The following PLCH1 variants were observed in gnomAD, a reference collection of about 807,000 sequenced individuals.
PLCH1 encodes the protein 1-phosphatidylinositol 4,5-bisphosphate phosphodiesterase eta-1.
A neutral mutation model predicts 126.7 loss-of-function variants in PLCH1; 60 were observed. The ratio of observed to expected loss-of-function variants is 0.47; its 90% CI spans 0.38 to 0.59. PLCH1 has a LOEUF of 0.59. Among genes scored for constraint, PLCH1 ranks in the 20% least tolerant of loss-of-function variants. PLCH1 has a pLI of 0.00. For missense variants in PLCH1, 1,723 were observed against 2,040.0 expected, an observed-to-expected ratio of 0.84 and a Z score of 2.99; for synonymous variants, 719 against 734.9, an observed-to-expected ratio of 0.98 and a Z score of 0.35.
chr3:155,499,103 A>G (rs1717509348), intron 14 of PLCH1, among the ~76,000 whole-genome samples: 1 of 152,224 alleles, frequency 6.6e-6, no homozygotes, highest in Non-Finnish European at 1.5e-5. Context: ...GGTTATAAGT[A>G]TCATAGTGGG....
intron 10 of PLCH1, among the ~76,000 whole-genome samples, chr3:155,535,389 G>T (rs1457044995): frequency 6.6e-6 from 1 of 152,226 alleles, no homozygotes; most frequent in Non-Finnish European, 1.5e-5. Context: ...GAGGCTTGTA[G>T]CCTGGGGCAA....
intron 10 of PLCH1, among the ~76,000 whole-genome samples, chr3:155,537,224 A>AAAAAAAAAAAAAAAAAAAAAAAAAAAAAC (rs1723547874): frequency 9.8e-5 from 1 of 10,166 alleles, no homozygotes; most frequent in African/African-American, 1.5e-4. Flanking sequence ...AAAAAAAAAA[A>AAAAAAAAAAAAAAAAAAAAAAAAAAAAAC]AAAAAAAAAC....
intron 2 of PLCH1, among the ~76,000 whole-genome samples, chr3:155,621,760 T>C (rs1469605952): frequency 1.3e-5 from 2 of 152,122 alleles, no homozygotes; most frequent in African/African-American, 4.8e-5. Context: ...TACGGGACTA[T>C]GTAAAAAGAC....
Position 155,485,491 on chromosome 3 carries a change from C to T in PLCH1, c.2839G>A (p.Gly947Ser). ...SVSEATRDQD[G>S]VLRRTTRSLQ... ...CTGCGTGTGGTCCTCCTCAGCACGC[C>T]ATCTTGATCTCTTGTGGCCTCGGAC... The change falls in exon 22 of 23, where the codon GGC becomes AGC. Residue 947 changes from glycine to serine, a missense_variant. This residue lies in a region of PLCH1 where 947 missense variants were observed against 977.1 expected (regional missense o/e 0.97). Transcript: ENST00000460012. 6.2e-7 allele frequency: 1 copy of T among 1,614,168 alleles called. No individual in the cohort carries two copies. The highest frequency in any genetic ancestry group is 8.5e-7 in the Non-Finnish European group (1 of 1,180,014).
chr3:155,625,766 T>G (rs1737163232), intron 2 of PLCH1, among the ~76,000 whole-genome samples: 1 of 152,182 alleles, frequency 6.6e-6, no homozygotes, highest in South Asian at 2.1e-4. Context: ...TAGGAATGCT[T>G]TTACACTGTT....
At chr3:155,483,343 G>T in intron 22 of PLCH1, 1 of 1,533,544 alleles carries the variant, frequency 6.5e-7, no homozygotes, top group African/African-American at 1.4e-5. Flanking sequence ...TTACAGTGAG[G>T]ATTACCTTAA....
chr3:155,603,688 G>T (rs948624743), intron 2 of PLCH1, among the ~76,000 whole-genome samples: 5 of 152,050 alleles, frequency 3.3e-5, no homozygotes, highest in Non-Finnish European at 7.4e-5. Flanking sequence ...ATCTTTCAAT[G>T]AGAAAAAATT....
intron 8 of PLCH1, among the ~76,000 whole-genome samples, chr3:155,561,225 G>T (rs553020432): frequency 2.0e-5 from 3 of 151,040 alleles, no homozygotes; most frequent in Admixed American, 6.6e-5. Flanking sequence ...CTGGTGCGCT[G>T]CACCCACTAA....
intron 15 of PLCH1, among the ~76,000 whole-genome samples, chr3:155,496,790 G>C (rs961387800): frequency 1.3e-5 from 2 of 152,150 alleles, no homozygotes; most frequent in Non-Finnish European, 2.9e-5. Flanking sequence ...GCTCCGTGTG[G>C]CAACTGATAG....
At chr3:155,460,702 G>A (rs1233746218) in intron 21 of PLCH1, among the ~76,000 whole-genome samples, 1 of 152,036 alleles carries the variant, frequency 6.6e-6, no homozygotes, top group Non-Finnish European at 1.5e-5. Context: ...TGTATCCCTA[G>A]TCATTTCATC....
At chr3:155,727,008 C>A (rs1002073233) in intron 1 of PLCH1, among the ~76,000 whole-genome samples, 2 of 151,856 alleles carry the variant, frequency 1.3e-5, no homozygotes, top group Non-Finnish European at 2.9e-5. Context: ...GCGTGAGCCA[C>A]TGCGCCCGGC....
intron 2 of PLCH1, among the ~76,000 whole-genome samples, chr3:155,650,255 G>A (rs1157910030): frequency 1.3e-5 from 2 of 152,162 alleles, no homozygotes; most frequent in African/African-American, 4.8e-5. Flanking sequence ...TTCCAGCAAT[G>A]ACACAATTAG....
chr3:155,643,173 T>C (rs1363398224), intron 2 of PLCH1, among the ~76,000 whole-genome samples: 1 of 152,154 alleles, frequency 6.6e-6, no homozygotes, highest in Non-Finnish European at 1.5e-5. Flanking sequence ...GGTCTCGAAC[T>C]CCTGACCTCC....
chr3:155,701,434 G>T (rs902532915), intron 2 of PLCH1, among the ~76,000 whole-genome samples: 3 of 152,150 alleles, frequency 2.0e-5, no homozygotes, highest in Non-Finnish European at 4.4e-5. Flanking sequence ...GCTGAAGTTT[G>T]TCTGTAGAAA....
At chr3:155,589,762 T>A (rs976385562) in intron 4 of PLCH1, among the ~76,000 whole-genome samples, 2 of 152,154 alleles carry the variant, frequency 1.3e-5, no homozygotes, top group African/African-American at 4.8e-5. Flanking sequence ...AGCTAAAGAT[T>A]TGCCACTCTT....
At chr3:155,490,695 T>C (rs1316541622) in intron 19 of PLCH1, 89 bp downstream of exon 19, 3 of 713,918 alleles carry the variant, frequency 4.2e-6, no homozygotes, top group Non-Finnish European at 7.3e-6. Context: ...TTTAGAGATT[T>C]CTTGCTCTTC....
chr3:155,710,882 C>G (rs766335595), intron 1 of PLCH1, among the ~76,000 whole-genome samples: 33 of 144,788 alleles, frequency 2.3e-4, no homozygotes, highest in Non-Finnish European at 4.5e-5. Flanking sequence ...TGTTTACAAA[C>G]TTGAAAAGCA....
chr3:155,591,677 T>A (rs1039038456), intron 4 of PLCH1, among the ~76,000 whole-genome samples: 3 of 152,228 alleles, frequency 2.0e-5, no homozygotes, highest in Non-Finnish European at 4.4e-5. Flanking sequence ...ATCTCTAATA[T>A]GACAAGTATC....
intron 1 of PLCH1, among the ~76,000 whole-genome samples, chr3:155,722,257 G>A (rs192106353): frequency 7.9e-5 from 12 of 151,870 alleles, no homozygotes; most frequent in East Asian, 2.0e-4. Context: ...TCTGCCTCCC[G>A]GGTTCAAGCA....
Sources: gnomAD v4.1 joint callset for allele counts (sites outside exome capture counted in the v4.1 genomes callset) on GRCh38, gnomAD v4.1.1 for gene constraint, gnomAD v4.1.1 regional missense constraint, MANE v1.5 for transcripts, NCBI Gene and HGNC (gene_info 2026-07-23, HGNC 2026-07-21) for gene names.